The following KPNA7 variants were observed in gnomAD, a reference collection of about 807,000 sequenced individuals.
KPNA7 encodes karyopherin subunit alpha 7.
Under a neutral mutation model 53.7 loss-of-function variants are expected in KPNA7, and 54 were observed. The ratio of observed to expected loss-of-function variants is 1.01; its 90% CI spans 0.81 to 1.26. The LOEUF (loss-of-function observed/expected upper bound fraction) is 1.26. KPNA7 is among the 50% of genes most tolerant of loss of function. The pLI is 0.00. For synonymous variants in KPNA7, 276 were observed against 259.3 expected (o/e 1.06, Z -0.62); for missense variants, 640 against 644.5 (o/e 0.99, Z 0.07).
At chr7:99,157,357 G>A in the KPNA7 span, among the ~76,000 whole-genome samples, 2 of 152,094 alleles carry the variant, frequency 1.3e-5, no homozygotes, top group African/African-American at 4.8e-5. Context: ...TTACAGGCAT[G>A]CGCCACCACA....
At chr7:99,197,975 A>G (rs995149157) in intron 3 of KPNA7, among the ~76,000 whole-genome samples, 1 of 152,236 alleles carries the variant, frequency 6.6e-6, no homozygotes, top group Non-Finnish European at 1.5e-5. Flanking sequence ...ACATCTGAAA[A>G]GTTCAATGAG....
the KPNA7 span, among the ~76,000 whole-genome samples, chr7:99,149,487 G>A: frequency 2.0e-5 from 3 of 152,216 alleles, no homozygotes; most frequent in South Asian, 6.2e-4. Context: ...AATCATGAAT[G>A]TAGATTTAGC....
upstream of KPNA7, among the ~76,000 whole-genome samples, chr7:99,212,350 TCTC>T (rs1432381298): frequency 6.7e-6 from 1 of 148,900 alleles, no homozygotes; most frequent in Non-Finnish European, 1.5e-5. Context: ...TTCAAGCAAT[TCTC>T]CTGCCTCAGC....
chr7:99,161,406 C>G, the KPNA7 span, among the ~76,000 whole-genome samples: 1 of 152,170 alleles, frequency 6.6e-6, no homozygotes, highest in African/African-American at 2.4e-5. Flanking sequence ...CTACCACATA[C>G]TACCATTGTA....
At chr7:99,187,259 C>T (rs1344999650) in intron 7 of KPNA7, among the ~76,000 whole-genome samples, 1 of 152,120 alleles carries the variant, frequency 6.6e-6, no homozygotes, top group Non-Finnish European at 1.5e-5. Flanking sequence ...CACTGCACTC[C>T]AGCCTGGATG....
intron 5 of KPNA7, among the ~76,000 whole-genome samples, 199 bp downstream of exon 5, chr7:99,194,871 C>T (rs1250727054): frequency 6.6e-6 from 1 of 152,114 alleles, no homozygotes; most frequent in Non-Finnish European, 1.5e-5. Context: ...TCCCAACATG[C>T]TGGGATTACA....
At chr7:99,163,025 A>T in the KPNA7 span, among the ~76,000 whole-genome samples, 1 of 152,140 alleles carries the variant, frequency 6.6e-6, no homozygotes, top group East Asian at 1.9e-4. Context: ...TACTAAAAAT[A>T]CAAAAATTAG....
intron 1 of KPNA7, among the ~76,000 whole-genome samples, chr7:99,214,135 G>GT (rs1320245336): frequency 6.6e-6 from 1 of 151,992 alleles, no homozygotes; most frequent in Non-Finnish European, 1.5e-5. Context: ...AGGAAAGCAT[G>GT]AGATCACCAC....
chr7:99,183,112 C>T (rs1197891071), intron 8 of KPNA7, among the ~76,000 whole-genome samples: 2 of 151,956 alleles, frequency 1.3e-5, no homozygotes, highest in African/African-American at 2.4e-5. Context: ...AAAAATTAGC[C>T]GGGTGTGGAG....
At chr7:99,178,813 C>T (rs370609511) in intron 9 of KPNA7, among the ~76,000 whole-genome samples, 121 of 125,656 alleles carry the variant, frequency 9.6e-4, no homozygotes, top group African/African-American at 3.4e-3. Context: ...AAAAGAGTCT[C>T]GCTCTATCGC....
Position 99,193,043 on chromosome 7 carries a change from T to A in KPNA7, c.612A>T (p.Leu204=). 6.6e-7 allele frequency: 1 copy of A among 1,508,522 alleles called. No individual in the cohort carries two copies. Among genetic ancestry groups the A allele is most frequent in the Non-Finnish European group, 8.8e-7 (1 of 1,131,222 alleles). The allele number at this position is 1,508,522 out of a possible 1,614,324, so 93.4% of individuals were successfully genotyped here. A position where few individuals can be genotyped will look rare whatever the true frequency, so the allele number is the denominator to read the frequency against. Residue 204 remains leucine, a synonymous_variant, in exon 6 of 11, where the codon CTA becomes CTT. Transcript: ENST00000327442. ...VITSNAIPHL[L]ALISPTLPIT... ...CCGGCAGGGTGGGTGAAATCAAGGC[T>A]AGGAGATGTGGGATGGCATTGCTTG... is the stretch of plus-strand genomic sequence containing the variant.
intron 3 of KPNA7, among the ~76,000 whole-genome samples, chr7:99,201,507 C>A: frequency 6.6e-6 from 1 of 151,720 alleles, no homozygotes; most frequent in East Asian, 2.0e-4. Context: ...ACTAAAAATA[C>A]AAAAAATTAG....
chr7:99,205,316 G>T (rs113167731), intron 2 of KPNA7, among the ~76,000 whole-genome samples: 11,926 of 150,568 alleles, frequency 0.079, 496 homozygotes, highest in South Asian at 0.15. Flanking sequence ...GTAGGCTGAG[G>T]CAGGAGAATT....
chr7:99,213,110 A>C (rs1047605608), upstream of KPNA7, among the ~76,000 whole-genome samples: 1 of 151,184 alleles, frequency 6.6e-6, no homozygotes, highest in Admixed American at 6.7e-5. Flanking sequence ...GGCCTATTTA[A>C]GGAGCAATGG....
At chr7:99,202,749 G>A (rs1790608201) in intron 3 of KPNA7, among the ~76,000 whole-genome samples, 1 of 152,094 alleles carries the variant, frequency 6.6e-6, no homozygotes, top group Admixed American at 6.6e-5. Flanking sequence ...GGAAGCTGAG[G>A]CAGGAGGTTC....
intron 9 of KPNA7, among the ~76,000 whole-genome samples, chr7:99,180,727 GTCTCTCTCTCTCCCCGTGTC>G (rs758343966): frequency 0.094 from 8,337 of 88,678 alleles, 1,528 homozygotes; most frequent in South Asian, 0.13. Flanking sequence ...CTCCGTCTGT[GTCTCTCTCTCTCCCCGTGTC>G]TCTCTCTCTC....
chr7:99,186,521 T>C (rs1789601566), intron 7 of KPNA7, among the ~76,000 whole-genome samples: 2 of 152,144 alleles, frequency 1.3e-5, no homozygotes, highest in Non-Finnish European at 2.9e-5. Context: ...GGCGGATGGA[T>C]CACTTGAGTC....
intron 2 of KPNA7, among the ~76,000 whole-genome samples, chr7:99,206,920 T>C (rs932984990): frequency 2.0e-5 from 3 of 152,180 alleles, no homozygotes; most frequent in Non-Finnish European, 2.9e-5. Context: ...ATGATGAAAA[T>C]AGCAAACATA....
At chr7:99,166,376 C>G in the KPNA7 span, among the ~76,000 whole-genome samples, 3 of 152,092 alleles carry the variant, frequency 2.0e-5, no homozygotes, top group Non-Finnish European at 2.9e-5. Flanking sequence ...AGTGCAGTGA[C>G]GTGATCCCGG....
Sources: allele counts gnomAD v4.1 joint callset (sites outside exome capture counted in the v4.1 genomes callset), GRCh38; gene constraint gnomAD v4.1.1; transcripts MANE v1.5; gene names NCBI Gene and HGNC (gene_info 2026-07-23, HGNC 2026-07-21).